ID4: variants seen among roughly 807,000 people sequenced by gnomAD.
ID4 encodes inhibitor of DNA binding 4.
ID4 carries 9 observed loss-of-function variants against 8.6 expected under a neutral mutation model. The ratio of observed to expected loss-of-function variants is 1.04; its 90% CI spans 0.63 to 1.82. The LOEUF (loss-of-function observed/expected upper bound fraction) is 1.82. ID4 is among the 40% of genes most tolerant of loss of function. ID4 has a pLI of 0.00. For missense variants in ID4, 270 were observed against 235.1 expected (o/e 1.15, Z -0.97); for synonymous variants, 180 against 118.0 (o/e 1.53, Z -3.41).
Position 19,841,281 on chromosome 6 carries a change from T to A in ID4, c.*2086T>A, listed in dbSNP as rs910983476. Among the ~76,000 whole-genome samples the A allele has an allele frequency of 1.1e-4, 16 of 152,116 alleles. No homozygotes were observed. Among genetic ancestry groups the A allele is most frequent in the African/African-American group, 3.9e-4 (16 of 41,444 alleles). On this transcript the variant is annotated 3_prime_UTR_variant, in exon 3 of 3. Coordinates refer to ENST00000378700, the MANE Select transcript of ID4 (RefSeq NM_001546.4). ...TTATTTTTGATATTATTCATTCTTGTCACACATCAAGAAGAAAACACTAGA... is the reference window on the plus strand; with the variant it reads ...TTATTTTTGATATTATTCATTCTTGACACACATCAAGAAGAAAACACTAGA...
rs910941496 is a variant in ID4, at chr6:19,841,513, G to A, written c.*2318G>A. On this transcript the variant is annotated 3_prime_UTR_variant, in exon 3 of 3. Transcript: ENST00000378700. ...GCGCAGTTTAAAACTTATACTGGTG[G>A]ACTGTGAACCTCAAAACAAATGGGT... 2.0e-5 allele frequency among the ~76,000 whole-genome samples: 3 copies of A among 148,706 alleles called. No individual in the cohort carries two copies. Among genetic ancestry groups the A allele is most frequent in the African/African-American group, 7.3e-5 (3 of 41,254 alleles).
chr6:19,838,553 C>A, intron 1 of ID4, 31 bp from the exon 2 acceptor site: 1 of 1,613,974 alleles, frequency 6.2e-7, no homozygotes, highest in Non-Finnish European at 8.5e-7. Context: ...CGCCTGCTAA[C>A]CTTTCCCTTG....
At chr6:19,838,321 C>T (rs1017635727) in intron 1 of ID4, 126 bp downstream of exon 1, 6 of 1,047,728 alleles carry the variant, frequency 5.7e-6, no homozygotes, top group South Asian at 4.4e-5. Context: ...GCCCCCTCCC[C>T]CTGCTCCTCC....
In ID4 at chr6:19,838,210, G is replaced by A; in HGVS notation, c.441+15G>A. ...ACACCGACCCGGTGAGAGGCCGGGCGCCGGCCGTGGGCGGACGCCGCGGGG... is the reference window on the plus strand; with the variant it reads ...ACACCGACCCGGTGAGAGGCCGGGCACCGGCCGTGGGCGGACGCCGCGGGG... On this transcript the variant is annotated intron_variant, in intron 1 of 2. Coordinates refer to ENST00000378700, the MANE Select transcript of ID4 (RefSeq NM_001546.4). 4 of 1,344,784 alleles carry A rather than the reference G, an allele frequency of 3.0e-6. No individual in the cohort carries two copies. The highest frequency in any genetic ancestry group is 3.1e-5 in the East Asian group (1 of 31,906). 83.3% of individuals were successfully genotyped at this position (1,344,784 alleles called of 1,614,324 possible). A position where few individuals can be genotyped will look rare whatever the true frequency, so the allele number is the denominator to read the frequency against.
At chr6:19,838,794 G>A (rs989559801) in intron 2 of ID4, 152 bp downstream of exon 2, 7 of 641,964 alleles carry the variant, frequency 1.1e-5, no homozygotes, top group Admixed American at 1.1e-4. Flanking sequence ...TGCCACCTAA[G>A]TAGCAAGTAA....
In ID4 at chr6:19,838,078, G is replaced by A; in HGVS notation, c.324G>A (p.Leu108=). The change falls in exon 1 of 3, where the codon CTG becomes CTA. Residue 108 remains leucine (L), a synonymous_variant. Coordinates refer to ENST00000378700, the MANE Select transcript of ID4 (RefSeq NM_001546.4). ...ACATCCTGGACCTGCAGCTGGCGCT[G>A]GAGACGCACCCGGCCCTGCTGAGGC... is the stretch of plus-strand genomic sequence containing the variant. ...IDYILDLQLA[L]ETHPALLRQP... is the part of the protein sequence containing the mutation. 1.9e-6 allele frequency: 3 copies of A among 1,606,008 alleles called. 1 individual carries two copies. Among genetic ancestry groups the A allele is most frequent in the Non-Finnish European group, 2.6e-6 (3 of 1,176,240 alleles).
In ID4 at chr6:19,839,672, T is replaced by C. The variant is rs955687839; in HGVS notation, c.*477T>C. 6.6e-6 allele frequency: 1 copy of C among 152,612 alleles called. No individual in the cohort carries two copies. The highest frequency in any genetic ancestry group is 2.4e-5 in the African/African-American group (1 of 41,452). 9.5% of individuals were successfully genotyped at this position (152,612 alleles called of 1,614,324 possible). The stretch of plus-strand genomic sequence containing the variant: ...ATGATTATAACGGGGCAGAGAACTT[T>C]CTTTTCTCTGCAAGAATGTTACATA... On this transcript the variant is annotated 3_prime_UTR_variant, in exon 3 of 3. Coordinates refer to ENST00000378700, the MANE Select transcript of ID4 (RefSeq NM_001546.4).
Position 19,838,906 on chromosome 6 carries a change from C to A in ID4, c.*14+264C>A, listed in dbSNP as rs998759873. 5.6e-6 allele frequency: 3 copies of A among 532,670 alleles called. No homozygotes were observed. The African/African-American group carries it at 5.9e-5, about 10-fold the overall frequency. The allele number at this position is 532,670 out of a possible 1,614,324, so 33.0% of individuals were successfully genotyped here. On this transcript the variant is annotated intron_variant, in intron 2 of 2. Transcript: ENST00000378700. The stretch of plus-strand genomic sequence containing the variant: ...TTTTTCTGGTGGTCAGCGGGCTCTT[C>A]TGCCTTCCCTAGTTCCCGAGGGAGG...
At position 19,840,673 on chromosome 6, in the gene ID4, C is replaced by T. The variant is rs542422665; in HGVS notation, c.*1478C>T. On this transcript the variant is annotated 3_prime_UTR_variant, in exon 3 of 3. Coordinates refer to ENST00000378700, the MANE Select transcript of ID4 (RefSeq NM_001546.4). ...TACATGTGAATATTAAAGTAGATTT[C>T]TCTGTCTTGTACTGTGATTTCTGGT... 1.2e-4 allele frequency: 18 copies of T among 152,480 alleles called. No homozygotes were observed. Among genetic ancestry groups the T allele is most frequent in the Admixed American group, 1.1e-3 (17 of 15,302 alleles). 9.4% of individuals were successfully genotyped at this position (152,480 alleles called of 1,614,324 possible).
chr6:19,842,062 T>C lies in ID4; in HGVS notation c.*2867T>C, dbSNP rs1761368574. Among the ~76,000 whole-genome samples the C allele has an allele frequency of 1.3e-5, 2 of 152,234 alleles. No homozygotes were observed. Among genetic ancestry groups the C allele is most frequent in the South Asian group, 4.1e-4 (2 of 4,834 alleles). On this transcript the variant is annotated 3_prime_UTR_variant, in exon 3 of 3. Coordinates refer to ENST00000378700, the MANE Select transcript of ID4 (RefSeq NM_001546.4). ...ACCTTTTCATTTCAAAGAACTAATA[T>C]ACTTTGATATTGTGTAAACCTTACT...
intron 2 of ID4, chr6:19,838,869 CCGTCCCCGT>C: frequency 1.8e-6 from 1 of 563,010 alleles, no homozygotes. Flanking sequence ...CTTGTCCCCG[CCGTCCCCGT>C]GTTTTTTCTG....
Position 19,838,216 on chromosome 6 carries a change from C to G in ID4, c.441+21C>G, listed in dbSNP as rs147448400. 7 of 1,334,444 alleles carry G rather than the reference C, an allele frequency of 5.2e-6. No homozygotes were observed. Among genetic ancestry groups the G allele is most frequent in the Middle Eastern group, 5.0e-4 (2 of 3,982 alleles). 82.7% of individuals were successfully genotyped at this position (1,334,444 alleles called of 1,614,324 possible). On this transcript the variant is annotated intron_variant, in intron 1 of 2. Coordinates refer to ENST00000378700, the MANE Select transcript of ID4 (RefSeq NM_001546.4). The stretch of plus-strand genomic sequence containing the variant: ...ACCCGGTGAGAGGCCGGGCGCCGGC[C>G]GTGGGCGGACGCCGCGGGGGATGGG...
rs200906524 is a variant in ID4 at position 19,838,575 on chromosome 6, C to T, written c.442-9C>T. ...TAACCTTTCCCTTGGTGTTCGGTTG[C>T]TGTTCCAGGCCGGCGCGGTGAACAA... On this transcript the variant is annotated splice_polypyrimidine_tract_variant and intron_variant, in intron 1 of 2. Coordinates refer to ENST00000378700, the MANE Select transcript of ID4 (RefSeq NM_001546.4). 4.3e-5 allele frequency: 69 copies of T among 1,613,996 alleles called. 1 individual carries two copies. The East Asian group carries it at 4.9e-4, about 11-fold the overall frequency.
intron 1 of ID4, 149 bp downstream of exon 1, chr6:19,838,344 G>T (rs979580636): frequency 3.0e-6 from 3 of 993,752 alleles, no homozygotes; most frequent in African/African-American, 1.7e-5. Context: ...GCTCCCCCGG[G>T]CCGCCAGCAG....
intron 2 of ID4, 74 bp downstream of exon 2, chr6:19,838,716 A>G: frequency 7.4e-7 from 1 of 1,351,896 alleles, no homozygotes; most frequent in South Asian, 1.2e-5. Flanking sequence ...GGGGCCAGGC[A>G]CCGCGGTGTT....
Position 19,838,689 on chromosome 6 carries a change from C to G in ID4, c.*14+47C>G, listed in dbSNP as rs1761286660. 8 of 1,558,822 alleles carry G rather than the reference C, an allele frequency of 5.1e-6. No individual in the cohort carries two copies. The South Asian group carries it at 5.6e-5, about 11-fold the overall frequency. On this transcript the variant is annotated intron_variant, in intron 2 of 2. Coordinates refer to ENST00000378700, the MANE Select transcript of ID4 (RefSeq NM_001546.4). ...CGGGTGGCCGGTCACCAGAGACGCC[C>G]GTCCCCGAGGGCTTCCGGGGCCAGG...
intron 2 of ID4, 73 bp downstream of exon 2, chr6:19,838,715 C>G (rs1206863415): frequency 1.5e-6 from 2 of 1,363,538 alleles, no homozygotes; most frequent in African/African-American, 2.9e-5. Context: ...CGGGGCCAGG[C>G]ACCGCGGTGT....
chr6:19,838,489 C>T, intron 1 of ID4, 95 bp from the exon 2 acceptor site: 1 of 1,536,954 alleles, frequency 6.5e-7, no homozygotes, highest in Non-Finnish European at 8.9e-7. Flanking sequence ...GGGGCGTCGG[C>T]GCGCCAGCCT....
rs35660770 is a variant in ID4, at chr6:19,839,616, AT to A, written c.*431del. On this transcript the variant is annotated 3_prime_UTR_variant, in exon 3 of 3. Transcript: ENST00000378700. Reference sequence around the variant, plus strand: ...ACTAATCTACCAGAGCATTGTAGATATTTTTTTTTTACATCTATTGTTTAAA... The same window carrying A: ...ACTAATCTACCAGAGCATTGTAGATATTTTTTTTTACATCTATTGTTTAAA... 35,063 of 150,402 alleles carry A rather than the reference AT, an allele frequency of 0.23. 4,257 individuals carry two copies. Among genetic ancestry groups the A allele is most frequent in the South Asian group, 0.44 (2,119 of 4,766 alleles). 9.3% of individuals were successfully genotyped at this position (150,402 alleles called of 1,614,324 possible).
Sources: allele counts gnomAD v4.1 joint callset (sites outside exome capture counted in the v4.1 genomes callset), GRCh38; gene constraint gnomAD v4.1.1; transcripts MANE v1.5; gene names NCBI Gene and HGNC (gene_info 2026-07-23, HGNC 2026-07-21).